TBCK: variants seen among roughly 807,000 people sequenced by gnomAD.
The protein encoded by TBCK is TBC domain-containing protein kinase-like protein.
In TBCK, 99 loss-of-function variants were observed where a neutral mutation model predicts 113.4. The observed-to-expected ratio is 0.87, with a 90% CI of 0.74 to 1.03. The LOEUF (loss-of-function observed/expected upper bound fraction) is 1.03. Ranked by LOEUF, TBCK falls within the 50% of genes least tolerant of loss-of-function variation. The pLI is 0.00. For missense variants in TBCK, 1,045 were observed against 1,061.3 expected, an observed-to-expected ratio of 0.98 and a Z score of 0.21; for synonymous variants, 369 against 370.8, an observed-to-expected ratio of 1.00 and a Z score of 0.05.
At chr4:106,223,578 T>A (rs566271562) in intron 19 of TBCK, among the ~76,000 whole-genome samples, 1 of 152,230 alleles carries the variant, frequency 6.6e-6, no homozygotes, top group East Asian at 1.9e-4. Flanking sequence ...ATACGATTCT[T>A]TCCCTCAAAA....
intron 20 of TBCK, among the ~76,000 whole-genome samples, chr4:106,207,546 A>G (rs1237383594): frequency 6.6e-6 from 1 of 152,216 alleles, no homozygotes; most frequent in Non-Finnish European, 1.5e-5. Context: ...ACACAAACTA[A>G]TAAAATACAA....
intron 19 of TBCK, among the ~76,000 whole-genome samples, chr4:106,228,245 A>C (rs1451254834): frequency 6.6e-6 from 1 of 151,840 alleles, no homozygotes; most frequent in African/African-American, 2.4e-5. Flanking sequence ...CAATCCAATT[A>C]TATACTTACT....
chr4:106,110,865 C>T (rs553146052), intron 24 of TBCK, among the ~76,000 whole-genome samples: 1 of 152,074 alleles, frequency 6.6e-6, no homozygotes, highest in South Asian at 2.1e-4. Context: ...GGCCCCTCAT[C>T]CAAAAAATTG....
intron 5 of TBCK, among the ~76,000 whole-genome samples, chr4:106,259,581 T>C (rs1762308922): frequency 6.6e-6 from 1 of 151,942 alleles, no homozygotes. Context: ...TATTATGTAA[T>C]TAATTACTCT....
intron 23 of TBCK, among the ~76,000 whole-genome samples, chr4:106,145,645 T>C (rs765463672): frequency 2.2e-4 from 34 of 152,342 alleles, no homozygotes; most frequent in Admixed American, 1.4e-3. Context: ...AGATAATGTA[T>C]GTCTTCTCTT....
chr4:106,282,335 CTTTT>C (rs936606551), intron 3 of TBCK, among the ~76,000 whole-genome samples: 1 of 151,352 alleles, frequency 6.6e-6, no homozygotes, highest in African/African-American at 2.4e-5. Flanking sequence ...TCTTCTTTAT[CTTTT>C]TTAACAAAAC....
intron 12 of TBCK, among the ~76,000 whole-genome samples, chr4:106,240,529 C>G (rs1172777584): frequency 3.3e-5 from 5 of 151,758 alleles, no homozygotes; most frequent in Non-Finnish European, 7.4e-5. Context: ...TAATCATGCA[C>G]AAAACAGTAG....
intron 23 of TBCK, among the ~76,000 whole-genome samples, chr4:106,156,727 G>A (rs1379578858): frequency 6.6e-6 from 1 of 152,082 alleles, no homozygotes; most frequent in Non-Finnish European, 1.5e-5. Context: ...CGAGCTTGTG[G>A]TGAATGCTGC....
chr4:106,191,979 G>C (rs1034860739), intron 22 of TBCK, among the ~76,000 whole-genome samples: 2 of 152,052 alleles, frequency 1.3e-5, no homozygotes, highest in Non-Finnish European at 2.9e-5. Flanking sequence ...TAAGAATACT[G>C]TACAATTCCT....
At chr4:106,046,993 T>C (rs1305415675) in intron 25 of TBCK, among the ~76,000 whole-genome samples, 2 of 152,192 alleles carry the variant, frequency 1.3e-5, no homozygotes, top group African/African-American at 4.8e-5. Context: ...AGTAAACTCA[T>C]TCCACTTCTG....
intron 24 of TBCK, among the ~76,000 whole-genome samples, chr4:106,099,582 C>G (rs1481565841): frequency 6.6e-6 from 1 of 152,132 alleles, no homozygotes; most frequent in Non-Finnish European, 1.5e-5. Flanking sequence ...GTTTAGATAT[C>G]ATGATTTTCT....
intron 23 of TBCK, among the ~76,000 whole-genome samples, chr4:106,129,449 C>T (rs1321601707): frequency 6.6e-6 from 1 of 152,036 alleles, no homozygotes; most frequent in Admixed American, 6.6e-5. Flanking sequence ...CTAGATGAAG[C>T]ACTTCTTAAG....
intron 24 of TBCK, among the ~76,000 whole-genome samples, chr4:106,100,600 C>T (rs1357344728): frequency 6.6e-6 from 1 of 152,156 alleles, no homozygotes; most frequent in Non-Finnish European, 1.5e-5. Flanking sequence ...CTGGATAATT[C>T]AATCCTAATT....
chr4:106,163,298 A>T (rs1749996447), intron 23 of TBCK: 1 of 152,278 alleles, frequency 6.6e-6, no homozygotes, highest in Admixed American at 6.6e-5. Flanking sequence ...AAATTTTCCC[A>T]CATCTGCCTG....
intron 25 of TBCK, among the ~76,000 whole-genome samples, chr4:106,083,163 A>G (rs777201935): frequency 2.4e-4 from 37 of 152,188 alleles, no homozygotes; most frequent in Non-Finnish European, 4.7e-4. Flanking sequence ...CCCTGGGACT[A>G]GCAACTACCT....
chr4:106,152,833 T>C (rs890790172), intron 23 of TBCK, among the ~76,000 whole-genome samples: 1 of 152,092 alleles, frequency 6.6e-6, no homozygotes, highest in African/African-American at 2.4e-5. Flanking sequence ...TAGGCATTTG[T>C]CCACCTCTTC....
At chr4:106,238,844 T>C (rs1401978732) in intron 12 of TBCK, 1 of 152,114 alleles carries the variant, frequency 6.6e-6, no homozygotes, top group African/African-American at 2.4e-5. Context: ...TGGAGTCTGT[T>C]AAGATCAATT....
At chr4:106,254,413 C>T (rs922374724) in intron 5 of TBCK, among the ~76,000 whole-genome samples, 1 of 152,222 alleles carries the variant, frequency 6.6e-6, no homozygotes, top group Non-Finnish European at 1.5e-5. Context: ...TTTTACTGCA[C>T]AGTTGTTCTT....
At chr4:106,249,047 T>A in intron 7 of TBCK, 65 bp from the exon 8 acceptor site, 4 of 1,186,086 alleles carry the variant, frequency 3.4e-6, no homozygotes, top group Non-Finnish European at 4.7e-6. Flanking sequence ...AACCAGAAAA[T>A]AAACTGATCA....
Sources: gnomAD v4.1 joint callset for allele counts (sites outside exome capture counted in the v4.1 genomes callset) on GRCh38, gnomAD v4.1.1 for gene constraint, MANE v1.5 for transcripts, NCBI Gene and HGNC (gene_info 2026-07-23, HGNC 2026-07-21) for gene names.